The following OTUD7A variants were observed in gnomAD, a reference collection of about 807,000 sequenced individuals.
OTUD7A encodes OTU domain-containing protein 7A.
Under a neutral mutation model 65.7 loss-of-function variants are expected in OTUD7A, and 12 were observed. The observed-to-expected ratio is 0.18, with a 90% CI of 0.12 to 0.30. The LOEUF (loss-of-function observed/expected upper bound fraction) is 0.30, where lower values mean the gene tolerates loss of function less well. Ranked by LOEUF, OTUD7A falls within the 10% of genes least tolerant of loss-of-function variation. The pLI is 1.00. For synonymous variants in OTUD7A, 641 were observed against 586.3 expected (o/e 1.09, Z -1.35); for missense variants, 1,148 against 1,304.8 (o/e 0.88, Z 1.85).
chr15:31,836,655 A>G (rs1393142372), intron 1 of OTUD7A, among the ~76,000 whole-genome samples: 1 of 152,220 alleles, frequency 6.6e-6, no homozygotes, highest in African/African-American at 2.4e-5. Flanking sequence ...ATGACCAAGT[A>G]GGCTTGATTC....
intron 1 of OTUD7A, among the ~76,000 whole-genome samples, chr15:31,745,946 A>C (rs892595983): frequency 6.6e-6 from 1 of 152,188 alleles, no homozygotes; most frequent in African/African-American, 2.4e-5. Flanking sequence ...GCTCAACATC[A>C]TTAGTTATCA....
intron 10 of OTUD7A, among the ~76,000 whole-genome samples, chr15:31,491,200 G>T (rs1050207786): frequency 1.3e-5 from 2 of 151,382 alleles, no homozygotes; most frequent in African/African-American, 4.8e-5. Flanking sequence ...TATGACACAG[G>T]TGTTGAAACT....
At chr15:31,527,356 A>AAAGACAAGC (rs1266915356) in intron 6 of OTUD7A, 48 bp from the exon 7 acceptor site, 109 of 1,601,400 alleles carry the variant, frequency 6.8e-5, no homozygotes, top group Non-Finnish European at 9.0e-5. Context: ...GGACATGAGA[A>AAAGACAAGC]AAGACAAGCC....
chr15:31,745,701 CAT>C (rs1894457354), intron 1 of OTUD7A, among the ~76,000 whole-genome samples: 1 of 152,052 alleles, frequency 6.6e-6, no homozygotes. Context: ...TTTATCAAAA[CAT>C]AAAAACTTCA....
In OTUD7A at chr15:31,864,920, T is replaced by C. The variant is rs181566783; in HGVS notation, c.-100+5587A>G. Reference sequence around the variant, plus strand: ...CAAATACTGTCTCCAGTTCCTTTTATTGAACAACTTATCAATCTAGAACTT... The same window carrying C: ...CAAATACTGTCTCCAGTTCCTTTTACTGAACAACTTATCAATCTAGAACTT... On this transcript the variant is annotated intron_variant, in intron 1 of 12. Coordinates refer to ENST00000307050, the MANE Select transcript of OTUD7A (RefSeq NM_001382637.1). Among the ~76,000 whole-genome samples the C allele has an allele frequency of 7.9e-4, 121 of 152,286 alleles. 1 individual carries two copies. Among genetic ancestry groups the C allele is most frequent in the African/African-American group, 2.7e-3 (114 of 41,544 alleles).
intron 1 of OTUD7A, chr15:31,787,508 T>A (rs1895705434): frequency 6.6e-6 from 1 of 152,150 alleles, no homozygotes; most frequent in South Asian, 2.1e-4. Flanking sequence ...TTAAAATACA[T>A]CAGAGAGTTC....
At chr15:31,614,218 G>A (rs1478970627) in intron 3 of OTUD7A, among the ~76,000 whole-genome samples, 1 of 151,906 alleles carries the variant, frequency 6.6e-6, no homozygotes, top group Non-Finnish European at 1.5e-5. Context: ...TCAGGTGATG[G>A]GTGCACCAAA....
intron 2 of OTUD7A, among the ~76,000 whole-genome samples, chr15:31,655,660 T>C (rs1193564338): frequency 6.6e-6 from 1 of 152,188 alleles, no homozygotes; most frequent in Admixed American, 6.5e-5. Context: ...GTGGAATACA[T>C]TTCTGTTGTT....
chr15:31,781,153 T>C (rs1199127685), intron 1 of OTUD7A, among the ~76,000 whole-genome samples: 1 of 152,154 alleles, frequency 6.6e-6, no homozygotes, highest in East Asian at 1.9e-4. Context: ...GGCTCAGGAC[T>C]GCTAGGATCA....
chr15:31,529,435 A>C (rs1406031960), intron 6 of OTUD7A, among the ~76,000 whole-genome samples: 1 of 152,156 alleles, frequency 6.6e-6, no homozygotes, highest in Non-Finnish European at 1.5e-5. Flanking sequence ...CAGACAAAAG[A>C]CCGGAAGATG....
intron 1 of OTUD7A, among the ~76,000 whole-genome samples, chr15:31,671,443 A>G (rs552576114): frequency 6.6e-6 from 1 of 152,310 alleles, no homozygotes; most frequent in East Asian, 1.9e-4. Context: ...TTGTAGCAGT[A>G]CCATGCTGTT....
intron 1 of OTUD7A, among the ~76,000 whole-genome samples, chr15:31,657,998 C>T (rs907714763): frequency 6.6e-6 from 1 of 152,130 alleles, no homozygotes; most frequent in Non-Finnish European, 1.5e-5. Context: ...TAATGTGTCC[C>T]ATCAATGCAT....
At chr15:31,740,659 A>G (rs1273898352) in intron 1 of OTUD7A, among the ~76,000 whole-genome samples, 1 of 152,240 alleles carries the variant, frequency 6.6e-6, no homozygotes, top group African/African-American at 2.4e-5. Flanking sequence ...AAACAAATAG[A>G]AAGTACAAGA....
At chr15:31,649,072 G>A (rs71476546) in intron 3 of OTUD7A, among the ~76,000 whole-genome samples, 8,750 of 152,232 alleles carry the variant, frequency 0.057, 546 homozygotes, top group African/African-American at 0.16. Flanking sequence ...CTTCCTGCCT[G>A]TAAAAACGCT....
intron 1 of OTUD7A, among the ~76,000 whole-genome samples, chr15:31,799,678 T>C (rs1896067862): frequency 6.6e-6 from 1 of 152,210 alleles, no homozygotes; most frequent in Non-Finnish European, 1.5e-5. Context: ...CTTCCAGAAC[T>C]GACTGTGAGA....
At position 31,558,957 on chromosome 15, in the gene OTUD7A, G is replaced by A; in HGVS notation, c.550+12C>T. The A allele has an allele frequency of 1.2e-6, 2 of 1,613,910 alleles. No homozygotes were observed. The highest frequency in any genetic ancestry group is 1.1e-5 in the South Asian group (1 of 91,022). On this transcript the variant is annotated intron_variant, in intron 5 of 12. Coordinates refer to ENST00000307050, the MANE Select transcript of OTUD7A (RefSeq NM_001382637.1). ...CCTAAAGAGGGTGGGCCTGCTGGCA[G>A]GGGCAACTCACCTGCCTGCTCCAAA...
At chr15:31,758,616 A>G (rs1659774259) in intron 1 of OTUD7A, among the ~76,000 whole-genome samples, 1 of 152,232 alleles carries the variant, frequency 6.6e-6, no homozygotes, top group South Asian at 2.1e-4. Context: ...GAACATCACA[A>G]AACTAATATG....
At chr15:31,835,105 T>G (rs1286026443) in intron 1 of OTUD7A, among the ~76,000 whole-genome samples, 1 of 152,208 alleles carries the variant, frequency 6.6e-6, no homozygotes, top group African/African-American at 2.4e-5. Flanking sequence ...GATGACTGTC[T>G]CAGTCTATTG....
At chr15:31,753,546 C>A (rs1466631441) in intron 1 of OTUD7A, among the ~76,000 whole-genome samples, 2 of 151,496 alleles carry the variant, frequency 1.3e-5, no homozygotes, top group Non-Finnish European at 2.9e-5. Context: ...TGATAACATA[C>A]AATGTTTGGT....
Sources: allele counts gnomAD v4.1 joint callset (sites outside exome capture counted in the v4.1 genomes callset), GRCh38; gene constraint gnomAD v4.1.1; transcripts MANE v1.5; gene names NCBI Gene and HGNC (gene_info 2026-07-23, HGNC 2026-07-21).